ELMO1: variants seen among roughly 807,000 people sequenced by gnomAD.
The protein encoded by ELMO1 is engulfment and cell motility protein 1.
ELMO1 carries 26 observed loss-of-function variants against 98.9 expected under a neutral mutation model. That is an observed-to-expected ratio of 0.26 (90% CI 0.19 to 0.36). The LOEUF is 0.36. ELMO1 is among the 10% of genes least tolerant of loss of function. The pLI is 1.00. For synonymous variants in ELMO1, 346 were observed against 346.0 expected, an observed-to-expected ratio of 1.00 and a Z score of 0.00; for missense variants, 627 against 935.2, an observed-to-expected ratio of 0.67 and a Z score of 4.30.
At chr7:36,905,897 T>A (rs1783924659) in intron 16 of ELMO1, among the ~76,000 whole-genome samples, 1 of 152,196 alleles carries the variant, frequency 6.6e-6, no homozygotes, top group African/African-American at 2.4e-5. Context: ...GAAAAGTCCA[T>A]TGTCTCATAT....
intron 1 of ELMO1, among the ~76,000 whole-genome samples, chr7:37,346,873 A>G (rs1333826217): frequency 6.6e-6 from 1 of 152,236 alleles, no homozygotes; most frequent in Non-Finnish European, 1.5e-5. Context: ...TTTAACTGGT[A>G]TTTATTTCTC....
At chr7:37,375,590 C>A in intron 1 of ELMO1, 2 of 1,121,324 alleles carry the variant, frequency 1.8e-6, no homozygotes, top group Non-Finnish European at 1.4e-6. Flanking sequence ...TCATGGTGGC[C>A]AAGAAGGATG....
At chr7:37,370,638 A>G (rs1045463678) in intron 1 of ELMO1, among the ~76,000 whole-genome samples, 1 of 152,182 alleles carries the variant, frequency 6.6e-6, no homozygotes, top group African/African-American at 2.4e-5. Flanking sequence ...AAAAAACAAG[A>G]AGGTCAATAA....
At chr7:37,268,459 C>T (rs1245554576) in intron 5 of ELMO1, among the ~76,000 whole-genome samples, 2 of 152,190 alleles carry the variant, frequency 1.3e-5, no homozygotes, top group Admixed American at 1.3e-4. Context: ...CACCACCATT[C>T]TCGGCTAATT....
chr7:36,926,249 A>G (rs1292924349), intron 16 of ELMO1, among the ~76,000 whole-genome samples: 1 of 152,240 alleles, frequency 6.6e-6, no homozygotes, highest in Non-Finnish European at 1.5e-5. Context: ...TCTCAGGACA[A>G]TCGCAGATAG....
intron 4 of ELMO1, among the ~76,000 whole-genome samples, chr7:37,275,111 G>C (rs1463063167): frequency 6.6e-6 from 1 of 152,208 alleles, no homozygotes; most frequent in Non-Finnish European, 1.5e-5. Context: ...GCTGTGCTCT[G>C]TCTGCCTGAC....
At chr7:37,051,547 A>G (rs1310654964) in intron 15 of ELMO1, among the ~76,000 whole-genome samples, 1 of 151,852 alleles carries the variant, frequency 6.6e-6, no homozygotes, top group Non-Finnish European at 1.5e-5. Flanking sequence ...TGTTTCCTGA[A>G]ACTTTGTTTT....
rs996952555 is a variant in ELMO1, at chr7:37,386,462, C to A, written c.-73-43699G>T. ...GCCCTTGTACAGAGCCTCCCACAGA[C>A]CCTCACGACAGCCTTCCTAGGGAGT... On this transcript the variant is annotated intron_variant, in intron 1 of 21. Transcript: ENST00000310758. Among the ~76,000 whole-genome samples the A allele has an allele frequency of 9.2e-5, 14 of 152,148 alleles. No homozygotes were observed. The East Asian group carries it at 2.5e-3, about 27-fold the overall frequency.
At chr7:37,410,043 G>A (rs1352645501) in intron 1 of ELMO1, among the ~76,000 whole-genome samples, 11 of 152,160 alleles carry the variant, frequency 7.2e-5, no homozygotes, top group Admixed American at 7.2e-4. Context: ...ACGAAGCCAG[G>A]ATCCAAAACC....
intron 6 of ELMO1, among the ~76,000 whole-genome samples, chr7:37,255,541 C>T (rs1795592901): frequency 6.6e-6 from 1 of 152,210 alleles, no homozygotes; most frequent in Non-Finnish European, 1.5e-5. Flanking sequence ...TCTGTAACTG[C>T]CGGCCTCTGG....
intron 4 of ELMO1, among the ~76,000 whole-genome samples, chr7:37,283,572 G>A (rs996830442): frequency 6.6e-6 from 1 of 152,236 alleles, no homozygotes; most frequent in African/African-American, 2.4e-5. Flanking sequence ...GAAGTTAGGT[G>A]TAGGCAGTCC....
chr7:36,872,647 A>C (rs909550396), intron 19 of ELMO1, among the ~76,000 whole-genome samples: 7 of 152,038 alleles, frequency 4.6e-5, no homozygotes, highest in African/African-American at 1.7e-4. Context: ...CCTTTTCATA[A>C]CCAAGAACTG....
intron 15 of ELMO1, among the ~76,000 whole-genome samples, chr7:37,067,543 C>A (rs1449737296): frequency 6.6e-6 from 1 of 152,112 alleles, no homozygotes; most frequent in African/African-American, 2.4e-5. Context: ...TCTGTTTCAT[C>A]ATCAGGAAAA....
chr7:37,307,102 A>T (rs1199898456), intron 4 of ELMO1, among the ~76,000 whole-genome samples: 3 of 152,206 alleles, frequency 2.0e-5, no homozygotes, highest in Admixed American at 6.5e-5. Flanking sequence ...AATCTGGGCA[A>T]ATCCATTTCT....
At chr7:37,121,745 G>A (rs539140818) in intron 14 of ELMO1, among the ~76,000 whole-genome samples, 4 of 152,228 alleles carry the variant, frequency 2.6e-5, no homozygotes, top group Non-Finnish European at 5.9e-5. Context: ...AGCAAGGCAG[G>A]CCAACATTCA....
intron 16 of ELMO1, among the ~76,000 whole-genome samples, chr7:36,916,417 G>A (rs1784694516): frequency 6.6e-6 from 1 of 152,194 alleles, no homozygotes; most frequent in Non-Finnish European, 1.5e-5. Context: ...TAGTGGTTGA[G>A]ATATGCCTAC....
chr7:37,146,362 C>G (rs1271979181), intron 13 of ELMO1, among the ~76,000 whole-genome samples: 1 of 152,174 alleles, frequency 6.6e-6, no homozygotes, highest in Non-Finnish European at 1.5e-5. Context: ...AGAACCACTG[C>G]TCCAAAGCCA....
At chr7:36,973,705 G>A (rs1195129266) in intron 16 of ELMO1, among the ~76,000 whole-genome samples, 1 of 152,266 alleles carries the variant, frequency 6.6e-6, no homozygotes, top group Non-Finnish European at 1.5e-5. Flanking sequence ...GGCTGGCCAA[G>A]GCCGGAGACA....
intron 1 of ELMO1, chr7:37,352,954 C>G (rs1229082760): frequency 2.6e-5 from 4 of 152,272 alleles, no homozygotes; most frequent in South Asian, 2.1e-4. Flanking sequence ...CATCCTCCCC[C>G]ACCCAACGAG....
Sources: gnomAD v4.1 joint callset for allele counts (sites outside exome capture counted in the v4.1 genomes callset) on GRCh38, gnomAD v4.1.1 for gene constraint, MANE v1.5 for transcripts, NCBI Gene and HGNC (gene_info 2026-07-23, HGNC 2026-07-21) for gene names.